Variants in SGCD observed in about 807,000 individuals in gnomAD.
The protein encoded by SGCD is delta-sarcoglycan.
In SGCD, 18 loss-of-function variants were observed where a neutral mutation model predicts 36.6. That is an observed-to-expected ratio of 0.49 (90% confidence interval 0.34 to 0.73). The LOEUF (loss-of-function observed/expected upper bound fraction) is 0.73, where lower values mean the gene tolerates loss of function less well. Ranked by LOEUF, SGCD falls within the 30% of genes least tolerant of loss-of-function variation. The probability of loss-of-function intolerance (pLI) is 0.01; values close to 1 mark genes in which losing one functional copy is unlikely to be tolerated. For synonymous variants in SGCD, 133 were observed against 130.6 expected, an observed-to-expected ratio of 1.02 and a Z score of -0.12; for missense variants, 387 against 346.7, an observed-to-expected ratio of 1.12 and a Z score of -0.92.
At chr5:156,357,150 C>T (rs941807426) in intron 3 of SGCD, among the ~76,000 whole-genome samples, 1 of 152,188 alleles carries the variant, frequency 6.6e-6, no homozygotes, top group Non-Finnish European at 1.5e-5. Flanking sequence ...TGCTATTAAG[C>T]GTGCAGTCAC....
chr5:155,814,910 A>G, the SGCD span, among the ~76,000 whole-genome samples: 2 of 152,210 alleles, frequency 1.3e-5, no homozygotes, highest in East Asian at 3.9e-4. Flanking sequence ...TTTTCAATTA[A>G]TGGACATGTT....
chr5:156,755,227 G>C (rs2113163748), intron 7 of SGCD, among the ~76,000 whole-genome samples: 1 of 152,290 alleles, frequency 6.6e-6, no homozygotes, highest in Non-Finnish European at 1.5e-5. Flanking sequence ...TGTTAACTGA[G>C]GGAAGAAGGA....
chr5:156,709,056 C>A (rs1309711315), intron 7 of SGCD, among the ~76,000 whole-genome samples: 13 of 152,086 alleles, frequency 8.5e-5, no homozygotes, highest in Admixed American at 8.5e-4. Flanking sequence ...AACACATTCA[C>A]AAAGGGAAAT....
chr5:156,387,958 C>A (rs192110114), intron 3 of SGCD, among the ~76,000 whole-genome samples: 91 of 152,286 alleles, frequency 6.0e-4, no homozygotes, highest in African/African-American at 2.1e-3. Flanking sequence ...CTTTCTATTT[C>A]AACTCTTCAT....
intron 1 of SGCD, among the ~76,000 whole-genome samples, chr5:156,094,183 G>A (rs921789504): frequency 6.6e-6 from 1 of 152,154 alleles, no homozygotes; most frequent in Non-Finnish European, 1.5e-5. Flanking sequence ...GTCATAGGCG[G>A]GGCTGCTGCT....
intron 3 of SGCD, among the ~76,000 whole-genome samples, chr5:156,434,505 T>G (rs551902927): frequency 3.3e-4 from 51 of 152,308 alleles, no homozygotes; most frequent in African/African-American, 1.2e-3. Context: ...TAAGATAGTA[T>G]TTAATTAGTT....
rs577723555 is a variant in SGCD at position 155,924,201 on chromosome 5, C to T, written c.-282+53777C>T. ...CCAGAACAACTTTACAATTTTTACC[C>T]AACCCAAACATATCTAGTCATAGCA... On this transcript the variant is annotated intron_variant, in intron 1 of 9. Transcript: ENST00000517913. 1.8e-4 allele frequency among the ~76,000 whole-genome samples: 27 copies of T among 152,230 alleles called. No homozygotes were observed. The South Asian group carries it at 5.4e-3, about 30-fold the overall frequency.
At chr5:156,633,938 G>A (rs1762730262) in intron 6 of SGCD, among the ~76,000 whole-genome samples, 1 of 152,070 alleles carries the variant, frequency 6.6e-6, no homozygotes, top group Non-Finnish European at 1.5e-5. Context: ...GCTGAGGTGT[G>A]GGCCAAGGGT....
At chr5:156,608,052 G>T (rs987260243) in intron 6 of SGCD, among the ~76,000 whole-genome samples, 1 of 152,112 alleles carries the variant, frequency 6.6e-6, no homozygotes, top group Non-Finnish European at 1.5e-5. Context: ...CTTCAGTTCT[G>T]CTCTGATCTT....
In SGCD at chr5:156,765,964, C is replaced by A. The variant is rs1757580009; in HGVS notation, c.*6574C>A. On this transcript the variant is annotated 3_prime_UTR_variant, in exon 9 of 9. Transcript: ENST00000337851. The stretch of plus-strand genomic sequence containing the variant: ...TACCTAAGGGGAAAATATAGAAAGC[C>A]TGCCTGAATAATAGAATCTAGAACA... The A allele has an allele frequency of 6.6e-6, 1 of 151,464 alleles. No individual in the cohort carries two copies. Among genetic ancestry groups the A allele is most frequent in the Non-Finnish European group, 1.5e-5 (1 of 67,950 alleles). 9.4% of individuals were successfully genotyped at this position (151,464 alleles called of 1,614,324 possible).
At chr5:155,868,502 G>A (rs938020321), upstream of SGCD, among the ~76,000 whole-genome samples, 1 of 151,476 alleles carries the variant, frequency 6.6e-6, no homozygotes, top group African/African-American at 2.4e-5. Context: ...CACTGTGCCT[G>A]ACTAGGAAGA....
chr5:155,803,786 A>AGG, the SGCD span, among the ~76,000 whole-genome samples: 2 of 152,250 alleles, frequency 1.3e-5, no homozygotes, highest in East Asian at 3.9e-4. Flanking sequence ...TCTGTATCTG[A>AGG]GGGCAAGTTT....
At chr5:156,087,751 G>A (rs1761138263) in intron 1 of SGCD, among the ~76,000 whole-genome samples, 1 of 152,072 alleles carries the variant, frequency 6.6e-6, no homozygotes, top group Admixed American at 6.6e-5. Flanking sequence ...AGAGCCCCTT[G>A]GGTGTAATTA....
chr5:156,545,735 G>A (rs1758547053), intron 4 of SGCD, among the ~76,000 whole-genome samples: 1 of 152,166 alleles, frequency 6.6e-6, no homozygotes, highest in Admixed American at 6.5e-5. Flanking sequence ...TTCGGCCTGG[G>A]GGTTGGGAAC....
chr5:156,557,936 G>GGAA (rs1404279008), intron 4 of SGCD, among the ~76,000 whole-genome samples: 1 of 151,560 alleles, frequency 6.6e-6, no homozygotes, highest in Non-Finnish European at 1.5e-5. Context: ...GATTTGGAGA[G>GGAA]TTGTCCATCA....
At chr5:155,789,746 A>G in the SGCD span, among the ~76,000 whole-genome samples, 1 of 152,110 alleles carries the variant, frequency 6.6e-6, no homozygotes, top group Non-Finnish European at 1.5e-5. Context: ...TTTGGTCCTT[A>G]CAATGACCTC....
chr5:156,145,911 G>C (rs1235268186), intron 3 of SGCD, among the ~76,000 whole-genome samples: 2 of 152,108 alleles, frequency 1.3e-5, no homozygotes, highest in Non-Finnish European at 2.9e-5. Flanking sequence ...AACAGATATA[G>C]CTTTAAAAAA....
chr5:155,852,046 A>C, the SGCD span, among the ~76,000 whole-genome samples: 1 of 152,190 alleles, frequency 6.6e-6, no homozygotes, highest in African/African-American at 2.4e-5. Flanking sequence ...CATAGGATTA[A>C]ATGAAGGAAC....
intron 1 of SGCD, among the ~76,000 whole-genome samples, chr5:155,922,212 T>C (rs527712358): frequency 1.1e-4 from 17 of 152,266 alleles, no homozygotes; most frequent in Admixed American, 2.6e-4. Context: ...ATGCTGTGGG[T>C]TTACAAGACA....
Sources: allele counts gnomAD v4.1 joint callset (sites outside exome capture counted in the v4.1 genomes callset), GRCh38; gene constraint gnomAD v4.1.1; transcripts MANE v1.5; gene names NCBI Gene and HGNC (gene_info 2026-07-23, HGNC 2026-07-21).